The following NUP88 variants were observed in gnomAD, a reference collection of about 807,000 sequenced individuals.
NUP88 encodes nuclear pore complex protein Nup88.
In NUP88, 57 loss-of-function variants were observed where a neutral mutation model predicts 93.9. The ratio of observed to expected loss-of-function variants is 0.61; its 90% CI spans 0.49 to 0.76. NUP88 has a LOEUF of 0.76. Ranked by LOEUF, NUP88 falls within the 30% of genes least tolerant of loss-of-function variation. The pLI is 0.00. For missense variants in NUP88, 911 were observed against 901.0 expected, an observed-to-expected ratio of 1.01 and a Z score of -0.14; for synonymous variants, 346 against 336.8, an observed-to-expected ratio of 1.03 and a Z score of -0.30.
chr17:5,413,870 A>G, intron 3 of NUP88, 139 bp downstream of exon 3: 1 of 816,962 alleles, frequency 1.2e-6, no homozygotes. Context: ...CTTATGATTG[A>G]GAATGGGTTA....
rs1231136429 is a variant in NUP88, at chr17:5,393,457, G to A, written c.1382+1434C>T. On this transcript the variant is annotated intron_variant, in intron 9 of 16. Transcript: ENST00000573584. ...TTTCTTTTTTTTTTTTTTTTTTTGA[G>A]ATGGAGTCTCACTCTGTCACCCAGA... Among the ~76,000 whole-genome samples, 4 of 125,902 alleles carry A rather than the reference G, an allele frequency of 3.2e-5. No individual in the cohort carries two copies. The Admixed American group carries it at 3.4e-4, about 11-fold the overall frequency. 82.6% of individuals were successfully genotyped at this position (125,902 alleles called of 152,430 possible). A position where few individuals can be genotyped will look rare whatever the true frequency, so the allele number is the denominator to read the frequency against.
chr17:5,414,290 G>C (rs57977704), intron 2 of NUP88, among the ~76,000 whole-genome samples, 156 bp from the exon 3 acceptor site: 46,829 of 151,990 alleles, frequency 0.31, 7,921 homozygotes, highest in East Asian at 0.63. Flanking sequence ...CCGCCTCCCA[G>C]GTTCAAGTGA....
chr17:5,406,988 G>C (rs3026136), intron 5 of NUP88, among the ~76,000 whole-genome samples: 66,335 of 151,818 alleles, frequency 0.44, 15,258 homozygotes, highest in East Asian at 0.84. Context: ...TTGGGCTAAC[G>C]TTACTAGGCA....
intron 7 of NUP88, among the ~76,000 whole-genome samples, chr17:5,403,809 A>G (rs1043141862): frequency 4.6e-5 from 7 of 152,242 alleles, no homozygotes; most frequent in African/African-American, 1.7e-4. Flanking sequence ...TGACATACCC[A>G]GTAGTGGAAC....
At position 5,391,742 on chromosome 17, in the gene NUP88, C is replaced by G; in HGVS notation, c.1383-80G>C. On this transcript the variant is annotated intron_variant, in intron 9 of 16. Transcript: ENST00000573584. Reference sequence around the variant, plus strand: ...GAGCAAAGACATGACAGGTCCGCGGCCTTCTCAGGCCTGGGCTGAAGTTGC... The same window carrying G: ...GAGCAAAGACATGACAGGTCCGCGGGCTTCTCAGGCCTGGGCTGAAGTTGC... The G allele has an allele frequency of 1.6e-5, 18 of 1,137,268 alleles. 1 individual carries two copies. In the South Asian group the frequency reaches 2.1e-4, roughly 13 times the overall value. The allele number at this position is 1,137,268 out of a possible 1,614,324, so 70.4% of individuals were successfully genotyped here.
chr17:5,408,756 C>G lies in NUP88; in HGVS notation c.834G>C (p.Leu278=). The G allele has an allele frequency of 1.2e-6, 2 of 1,608,634 alleles. No homozygotes were observed. Among genetic ancestry groups the G allele is most frequent in the Non-Finnish European group, 8.5e-7 (1 of 1,178,256 alleles). ...YILYENGETF[L]TYISLLHSPG... is the part of the protein sequence containing the mutation. Reference sequence around the variant, plus strand: ...ACCTGTGTAACAGACTGATGTATGTCAGGAAAGTCTCTCCATTTTCATATA... The same window carrying G: ...ACCTGTGTAACAGACTGATGTATGTGAGGAAAGTCTCTCCATTTTCATATA... The change falls in exon 5 of 17, where the codon CTG becomes CTC. Residue 278 remains leucine (L), a synonymous_variant. Coordinates refer to ENST00000573584, the MANE Select transcript of NUP88 (RefSeq NM_002532.6).
In NUP88 at chr17:5,387,395, A is replaced by T; in HGVS notation, c.1907T>A (p.Ile636Asn). 1 of 1,613,700 alleles carries T rather than the reference A, an allele frequency of 6.2e-7. No individual in the cohort carries two copies. The highest frequency in any genetic ancestry group is 8.5e-7 in the Non-Finnish European group (1 of 1,179,608). The change falls in exon 14 of 17, where the codon ATC (isoleucine) becomes AAC (asparagine). Residue 636 changes from isoleucine to asparagine, a missense_variant. Physicochemically the swap from Ile to Asn is moderately radical, Grantham distance 149 (BLOSUM62 -3). Coordinates refer to ENST00000573584, the MANE Select transcript of NUP88 (RefSeq NM_002532.6). ...YEEAKEKQED[I>N]MNRMKKLLHS... ...TATACAGCCCACTGACCTGTTCATG[A>T]TATCCTCTTGTTTTTCTTTAGCTTC... is the stretch of plus-strand genomic sequence containing the variant.
chr17:5,387,286 G>T, intron 14 of NUP88, 100 bp downstream of exon 14: 2 of 1,260,138 alleles, frequency 1.6e-6, no homozygotes, highest in Non-Finnish European at 2.3e-6. Context: ...AGGGGGATCA[G>T]TTCAGTTCCG....
chr17:5,402,232 A>T (rs1913213845), intron 7 of NUP88, among the ~76,000 whole-genome samples: 1 of 151,840 alleles, frequency 6.6e-6, no homozygotes, highest in Non-Finnish European at 1.5e-5. Context: ...GCTTGAACCC[A>T]GGGGGCGGAG....
intron 10 of NUP88, 134 bp from the exon 11 acceptor site, chr17:5,389,094 T>C (rs960722075): frequency 4.7e-6 from 3 of 642,408 alleles, no homozygotes; most frequent in Non-Finnish European, 7.4e-6. Flanking sequence ...CAAGAATGCA[T>C]GTTTTCCACC....
Position 5,414,144 on chromosome 17 carries a change from A to G in NUP88, c.468-10T>C. The stretch of plus-strand genomic sequence containing the variant: ...CGCAACTGGAGTGGTACTAAAATAA[A>G]GATAATAATTTTCCAAAACATTTTG... On this transcript the variant is annotated splice_polypyrimidine_tract_variant and intron_variant, in intron 2 of 16. Transcript: ENST00000573584. 1 of 1,608,710 alleles carries G rather than the reference A, an allele frequency of 6.2e-7. No individual in the cohort carries two copies. Among genetic ancestry groups the G allele is most frequent in the Non-Finnish European group, 8.5e-7 (1 of 1,177,518 alleles).
Position 5,399,526 on chromosome 17 carries a change from A to C in NUP88, c.1291+26T>G, listed in dbSNP as rs549120644. The C allele has an allele frequency of 6.0e-6, 7 of 1,160,934 alleles. No individual in the cohort carries two copies. The South Asian group carries it at 7.9e-5, about 13-fold the overall frequency. 71.9% of individuals were successfully genotyped at this position (1,160,934 alleles called of 1,614,324 possible). A position where few individuals can be genotyped will look rare whatever the true frequency, so the allele number is the denominator to read the frequency against. On this transcript the variant is annotated intron_variant, in intron 8 of 16. Coordinates refer to ENST00000573584, the MANE Select transcript of NUP88 (RefSeq NM_002532.6). ...TCTATTTTTCCTCTGAAATCTATTA[A>C]AAGTGCAGAGAGTTAGTAAACTCAC... is the stretch of plus-strand genomic sequence containing the variant.
intron 8 of NUP88, among the ~76,000 whole-genome samples, chr17:5,395,416 A>C (rs149569610): frequency 2.0e-5 from 3 of 152,270 alleles, no homozygotes; most frequent in African/African-American, 4.8e-5. Flanking sequence ...TCCAATGAGC[A>C]TTTCTGTTGT....
intron 2 of NUP88, among the ~76,000 whole-genome samples, chr17:5,416,225 T>A (rs1025487614): frequency 2.7e-5 from 4 of 149,022 alleles, no homozygotes; most frequent in Admixed American, 6.7e-5. Context: ...CTTACACTTC[T>A]GGCAAACTTC....
chr17:5,417,168 A>G (rs1015365581), intron 1 of NUP88, among the ~76,000 whole-genome samples: 1 of 152,078 alleles, frequency 6.6e-6, no homozygotes, highest in Admixed American at 6.5e-5. Flanking sequence ...CAAAGTTACA[A>G]CTCATGATAA....
chr17:5,391,083 T>G (rs1408375527), intron 10 of NUP88, among the ~76,000 whole-genome samples: 1 of 152,124 alleles, frequency 6.6e-6, no homozygotes, highest in Non-Finnish European at 1.5e-5. Flanking sequence ...GAGACCTGCA[T>G]CTGTATCCCA....
In NUP88 at chr17:5,405,043, C is replaced by T. The variant is rs766940923; in HGVS notation, c.1044+14G>A. ...GTGTTGAAGATACAAACAACCACAG[C>T]AGCCTGCACTTACCGTGTGGTCATC... On this transcript the variant is annotated intron_variant, in intron 6 of 16. Transcript: ENST00000573584. The T allele has an allele frequency of 2.5e-6, 4 of 1,608,992 alleles. No homozygotes were observed. In the African/African-American group the frequency reaches 4.0e-5, roughly 16 times the overall value.
chr17:5,404,295 T>A, intron 6 of NUP88, 49 bp from the exon 7 acceptor site: 1 of 1,599,548 alleles, frequency 6.3e-7, no homozygotes, highest in Non-Finnish European at 8.6e-7. Flanking sequence ...AATTTGAAAA[T>A]GTACACAATT....
At chr17:5,400,693 C>T (rs965915732) in intron 7 of NUP88, among the ~76,000 whole-genome samples, 11 of 152,056 alleles carry the variant, frequency 7.2e-5, no homozygotes, top group South Asian at 2.1e-4. Context: ...TTGCATACAT[C>T]GACTTAAATA....
Sources: gnomAD v4.1 joint callset for allele counts (sites outside exome capture counted in the v4.1 genomes callset) on GRCh38, gnomAD v4.1.1 for gene constraint, MANE v1.5 for transcripts, NCBI Gene and HGNC (gene_info 2026-07-23, HGNC 2026-07-21) for gene names.